DLGAP2: variants seen among roughly 807,000 people sequenced by gnomAD.
DLGAP2 encodes the protein DLG associated protein 2.
A neutral mutation model predicts 100.3 loss-of-function variants in DLGAP2; 26 were observed. The observed-to-expected ratio is 0.26, with a 90% CI of 0.19 to 0.36. DLGAP2 has a LOEUF of 0.36. Among genes scored for constraint, DLGAP2 ranks in the 10% least tolerant of loss-of-function variants. DLGAP2 has a pLI of 1.00. For synonymous variants in DLGAP2, 886 were observed against 630.1 expected (o/e 1.41, Z -6.08); for missense variants, 1,858 against 1,453.2 (o/e 1.28, Z -4.53).
rs181561022 is a variant in DLGAP2 at position 1,173,326 on chromosome 8, C to G, written c.74-85525C>G. ...GCCTCCAGTTAGGCTGCTCAGGGGT[C>G]AGGGGTCAGAGACCCACTTGAGGAG... On this transcript the variant is annotated intron_variant, in intron 2 of 14. Transcript: ENST00000637795. 8.7e-3 allele frequency among the ~76,000 whole-genome samples: 1,325 copies of G among 152,312 alleles called. 10 individuals carry two copies. Among genetic ancestry groups the G allele is most frequent in the Admixed American group, 0.011 (175 of 15,298 alleles).
At chr8:926,259 G>T (rs1798813381) in intron 2 of DLGAP2, among the ~76,000 whole-genome samples, 1 of 152,130 alleles carries the variant, frequency 6.6e-6, no homozygotes, top group South Asian at 2.1e-4. Context: ...AGAGCCCTGG[G>T]ACCATTCAGC....
At chr8:902,407 C>T (rs1334592611) in intron 1 of DLGAP2, among the ~76,000 whole-genome samples, 2 of 149,566 alleles carry the variant, frequency 1.3e-5, no homozygotes, top group South Asian at 2.2e-4. Context: ...GAAGGAGTCA[C>T]GGTGTGCAGT....
At chr8:1,667,297 G>A (rs1798568730) in intron 8 of DLGAP2, among the ~76,000 whole-genome samples, 1 of 152,178 alleles carries the variant, frequency 6.6e-6, no homozygotes, top group Non-Finnish European at 1.5e-5. Flanking sequence ...GGTTCTAAGA[G>A]TTATTTAATA....
chr8:1,627,911 A>G (rs1365166457), intron 7 of DLGAP2, among the ~76,000 whole-genome samples: 1 of 151,312 alleles, frequency 6.6e-6, no homozygotes, highest in Non-Finnish European at 1.5e-5. Flanking sequence ...CCGACCTCAC[A>G]TTCTTTCTGA....
rs558780005 is a variant in DLGAP2, at chr8:1,374,751, C to T, written c.106+115868C>T. 1.1e-4 allele frequency among the ~76,000 whole-genome samples: 16 copies of T among 152,146 alleles called. No individual in the cohort carries two copies. The South Asian group carries it at 2.5e-3, about 24-fold the overall frequency. ...CAAAATGCATAAAGTGGAGACTGGA[C>T]GGTGGAAATCCTGCAGGGCACCGAG... On this transcript the variant is annotated intron_variant, in intron 3 of 14. Coordinates refer to ENST00000637795, the MANE Select transcript of DLGAP2 (RefSeq NM_001346810.2).
At chr8:1,055,795 CAG>C (rs1250191485) in intron 2 of DLGAP2, among the ~76,000 whole-genome samples, 7 of 152,208 alleles carry the variant, frequency 4.6e-5, no homozygotes, top group African/African-American at 1.7e-4. Context: ...GCCTCGCCAG[CAG>C]AGAGGGGCAC....
chr8:967,379 G>T (rs1283064156), intron 2 of DLGAP2, among the ~76,000 whole-genome samples: 1 of 152,188 alleles, frequency 6.6e-6, no homozygotes, highest in Non-Finnish European at 1.5e-5. Flanking sequence ...GGCTTTGGGT[G>T]CCTGTGGTTT....
chr8:1,661,139 A>T (rs1178142161), intron 8 of DLGAP2, among the ~76,000 whole-genome samples: 1 of 152,182 alleles, frequency 6.6e-6, no homozygotes, highest in African/African-American at 2.4e-5. Context: ...TCTAAATAGA[A>T]ATCCTTTTCA....
intron 5 of DLGAP2, among the ~76,000 whole-genome samples, chr8:1,552,475 C>T (rs946474189): frequency 5.9e-5 from 9 of 152,208 alleles, no homozygotes; most frequent in South Asian, 2.1e-4. Flanking sequence ...GCAACCTCCT[C>T]GGGCTGTTTC....
chr8:1,595,670 T>A (rs1211219359), intron 6 of DLGAP2, among the ~76,000 whole-genome samples: 1 of 70,888 alleles, frequency 1.4e-5, no homozygotes, highest in African/African-American at 5.5e-5. Flanking sequence ...CGAGACTCCG[T>A]CTCAAAAAAA....
At chr8:1,602,711 T>A (rs909937229) in intron 6 of DLGAP2, among the ~76,000 whole-genome samples, 2 of 152,226 alleles carry the variant, frequency 1.3e-5, no homozygotes, top group Non-Finnish European at 2.9e-5. Context: ...ATTCATTCAT[T>A]TATTCATCCC....
chr8:961,962 C>T (rs1584926899), intron 2 of DLGAP2, among the ~76,000 whole-genome samples: 1 of 152,186 alleles, frequency 6.6e-6, no homozygotes, highest in East Asian at 1.9e-4. Flanking sequence ...TCTCCAGCGT[C>T]ATCATGGACG....
At chr8:1,426,572 G>T (rs970132530) in intron 3 of DLGAP2, among the ~76,000 whole-genome samples, 1 of 152,194 alleles carries the variant, frequency 6.6e-6, no homozygotes, top group Non-Finnish European at 1.5e-5. Context: ...GGGTTCTGCT[G>T]TTGCCTGGAA....
intron 3 of DLGAP2, among the ~76,000 whole-genome samples, chr8:1,305,279 G>A (rs1800464151): frequency 6.6e-6 from 1 of 152,210 alleles, no homozygotes; most frequent in Non-Finnish European, 1.5e-5. Flanking sequence ...GAGGTGCCTG[G>A]TCTTCCGCAG....
intron 2 of DLGAP2, among the ~76,000 whole-genome samples, chr8:1,226,615 C>A (rs923297017): frequency 1.2e-4 from 18 of 152,178 alleles, no homozygotes; most frequent in African/African-American, 4.1e-4. Context: ...TATCCTGGAA[C>A]TGAAAAAATA....
At chr8:1,258,597 T>TA (rs201639316) in intron 2 of DLGAP2, among the ~76,000 whole-genome samples, 1,845 of 150,216 alleles carry the variant, frequency 0.012, 16 homozygotes, top group South Asian at 0.047. Context: ...TTAGTAAAAT[T>TA]AAAAAAAATT....
At chr8:1,359,717 C>G (rs937305171) in intron 3 of DLGAP2, among the ~76,000 whole-genome samples, 4 of 152,240 alleles carry the variant, frequency 2.6e-5, no homozygotes, top group Non-Finnish European at 5.9e-5. Context: ...TTATAAAACC[C>G]GCGCGTTCCC....
chr8:1,153,825 C>T (rs1796735875), intron 2 of DLGAP2, among the ~76,000 whole-genome samples: 1 of 152,088 alleles, frequency 6.6e-6, no homozygotes, highest in Non-Finnish European at 1.5e-5. Context: ...AAAATTTCAC[C>T]ACCTAAGGTC....
chr8:942,059 A>T (rs1467105379), intron 2 of DLGAP2, among the ~76,000 whole-genome samples: 1 of 152,112 alleles, frequency 6.6e-6, no homozygotes, highest in Non-Finnish European at 1.5e-5. Flanking sequence ...TCTAGGCTTC[A>T]GTGATTCTCC....
Sources: gnomAD v4.1 joint callset for allele counts (sites outside exome capture counted in the v4.1 genomes callset) on GRCh38, gnomAD v4.1.1 for gene constraint, MANE v1.5 for transcripts, NCBI Gene and HGNC (gene_info 2026-07-23, HGNC 2026-07-21) for gene names.